PCTP: variants seen among roughly 807,000 people sequenced by gnomAD.
PCTP encodes the protein START domain-containing protein 2.
In PCTP, 27 loss-of-function variants were observed where a neutral mutation model predicts 31.0. That is an observed-to-expected ratio of 0.87 (90% confidence interval 0.64 to 1.20). PCTP has a LOEUF of 1.20. PCTP is among the 50% of genes most tolerant of loss of function. PCTP has a pLI of 0.00. For synonymous variants in PCTP, 108 were observed against 101.2 expected (o/e 1.07, Z -0.40); for missense variants, 287 against 268.2 (o/e 1.07, Z -0.49).
At chr17:55,823,291 A>G (rs1247115395), downstream of PCTP, among the ~76,000 whole-genome samples, 1 of 152,210 alleles carries the variant, frequency 6.6e-6, no homozygotes, top group Non-Finnish European at 1.5e-5. Flanking sequence ...TAAATTTAAA[A>G]ATGGCCTTCA....
At chr17:55,798,558 C>A (rs1315874043) in intron 3 of PCTP, among the ~76,000 whole-genome samples, 1 of 151,540 alleles carries the variant, frequency 6.6e-6, no homozygotes, top group Admixed American at 6.6e-5. Context: ...TTATAAAAAC[C>A]AGGAGACAAT....
At chr17:55,770,177 G>A (rs958277815) in intron 2 of PCTP, 3 of 152,318 alleles carry the variant, frequency 2.0e-5, no homozygotes, top group Admixed American at 6.5e-5. Flanking sequence ...GCTGCTGTTT[G>A]CACATAATAG....
chr17:55,837,555 T>A (rs555428448), intron 5 of PCTP, among the ~76,000 whole-genome samples: 54 of 152,332 alleles, frequency 3.5e-4, no homozygotes, highest in Non-Finnish European at 6.5e-4. Flanking sequence ...GGGTCACATG[T>A]CTTGGCAAAT....
intron 3 of PCTP, among the ~76,000 whole-genome samples, chr17:55,819,160 A>G (rs1913031961): frequency 6.6e-6 from 1 of 152,120 alleles, no homozygotes; most frequent in South Asian, 2.1e-4. Context: ...AACTTCCCCA[A>G]CCTGCTAAAG....
intron 3 of PCTP, among the ~76,000 whole-genome samples, chr17:55,815,895 T>C (rs1453706775): frequency 3.3e-5 from 5 of 152,200 alleles, no homozygotes; most frequent in Non-Finnish European, 5.9e-5. Context: ...CTCTCATCTT[T>C]TGAAACCAAA....
the PCTP span, among the ~76,000 whole-genome samples, chr17:55,848,639 C>G: frequency 6.6e-6 from 1 of 152,214 alleles, no homozygotes; most frequent in African/African-American, 2.4e-5. Context: ...AACTTATTCA[C>G]TCTCAATCAT....
chr17:55,765,107 G>T (rs1326872451), intron 1 of PCTP, among the ~76,000 whole-genome samples: 1 of 152,176 alleles, frequency 6.6e-6, no homozygotes, highest in Non-Finnish European at 1.5e-5. Flanking sequence ...GAACTTATAT[G>T]ATTTGAAGCA....
chr17:55,803,676 G>T (rs1912466559), intron 3 of PCTP, among the ~76,000 whole-genome samples: 3 of 152,100 alleles, frequency 2.0e-5, no homozygotes, highest in Admixed American at 2.0e-4. Context: ...ACTGAAAGTA[G>T]ACCCCTTCCT....
chr17:55,771,546 G>A (rs1327650400), intron 3 of PCTP, among the ~76,000 whole-genome samples: 2 of 152,144 alleles, frequency 1.3e-5, no homozygotes, highest in African/African-American at 2.4e-5. Context: ...AAGGAAAAAG[G>A]GCTCCCAAAG....
chr17:55,809,885 C>A (rs1173933735), intron 3 of PCTP, among the ~76,000 whole-genome samples: 1 of 152,136 alleles, frequency 6.6e-6, no homozygotes, highest in East Asian at 1.9e-4. Flanking sequence ...TTTCTCTATA[C>A]ACACCAAGTA....
At chr17:55,823,481 G>A (rs1814637839), downstream of PCTP, among the ~76,000 whole-genome samples, 1 of 152,300 alleles carries the variant, frequency 6.6e-6, no homozygotes, top group Middle Eastern at 3.4e-3. Context: ...CCGCCTCAGA[G>A]CTCTCCTTTC....
chr17:55,751,172 C>A lies in PCTP; in HGVS notation c.69C>A (p.Pro23=). 1 of 1,548,646 alleles carries A rather than the reference C, an allele frequency of 6.5e-7. No homozygotes were observed. Among genetic ancestry groups the A allele is most frequent in the Non-Finnish European group, 8.7e-7 (1 of 1,146,188 alleles). ...FWEACAELQQ[P]ALAGADWQLL... ...AGGCCTGCGCCGAGCTCCAGCAGCC[C>A]GCTCTGGCCGGGGCCGACTGGCAGC... is the stretch of plus-strand genomic sequence containing the variant. The change falls in exon 1 of 6, where the codon CCC becomes CCA. Residue 23 remains proline (P), a synonymous_variant. Transcript: ENST00000268896.
chr17:55,779,347 G>C (rs949603317), downstream of PCTP, among the ~76,000 whole-genome samples: 10 of 152,342 alleles, frequency 6.6e-5, no homozygotes, highest in African/African-American at 2.4e-4. Context: ...AACCAAGTTT[G>C]AGGAGCAGAG....
chr17:55,836,946 C>T (rs894733131), intron 5 of PCTP, among the ~76,000 whole-genome samples: 1 of 152,134 alleles, frequency 6.6e-6, no homozygotes, highest in African/African-American at 2.4e-5. Flanking sequence ...GATGGTGGAG[C>T]AGGGAATAGA....
At chr17:55,827,947 A>G (rs1905457179), downstream of PCTP, among the ~76,000 whole-genome samples, 1 of 152,168 alleles carries the variant, frequency 6.6e-6, no homozygotes, top group South Asian at 2.1e-4. Flanking sequence ...AGCAAGCATG[A>G]TGGAGTAGTT....
At chr17:55,767,972 A>G (rs146229580) in intron 2 of PCTP, among the ~76,000 whole-genome samples, 7 of 151,746 alleles carry the variant, frequency 4.6e-5, no homozygotes, top group Non-Finnish European at 1.0e-4. Context: ...GCATGCCTAT[A>G]GTCCCAACTA....
the PCTP span, among the ~76,000 whole-genome samples, chr17:55,849,598 G>C: frequency 6.6e-6 from 1 of 152,026 alleles, no homozygotes; most frequent in Non-Finnish European, 1.5e-5. Context: ...ACTCCAGCCT[G>C]GGCAACAAGA....
At chr17:55,832,500 CA>C (rs1389136551) in intron 5 of PCTP, among the ~76,000 whole-genome samples, 1 of 152,166 alleles carries the variant, frequency 6.6e-6, no homozygotes, top group Non-Finnish European at 1.5e-5. Flanking sequence ...CTCTCACCTG[CA>C]AACTCATTGG....
intron 1 of PCTP, among the ~76,000 whole-genome samples, chr17:55,763,151 A>G (rs564358488): frequency 6.6e-6 from 1 of 152,354 alleles, no homozygotes; most frequent in Admixed American, 6.5e-5. Flanking sequence ...GCTTGGAAAA[A>G]TAAAACCGAT....
Sources: gnomAD v4.1 joint callset for allele counts (sites outside exome capture counted in the v4.1 genomes callset) on GRCh38, gnomAD v4.1.1 for gene constraint, MANE v1.5 for transcripts, NCBI Gene and HGNC (gene_info 2026-07-23, HGNC 2026-07-21) for gene names.